The following ARHGAP26 variants were observed in gnomAD, a reference collection of about 807,000 sequenced individuals.
The protein encoded by ARHGAP26 is Rho GTPase activating protein 26.
ARHGAP26 carries 38 observed loss-of-function variants against 104.8 expected under a neutral mutation model. That is an observed-to-expected ratio of 0.36 (90% CI 0.28 to 0.48). ARHGAP26 has a LOEUF of 0.48. ARHGAP26 is among the 20% of genes least tolerant of loss of function. The pLI is 0.99. For missense variants in ARHGAP26, 704 were observed against 947.9 expected (o/e 0.74, Z 3.38); for synonymous variants, 341 against 340.0 (o/e 1.00, Z -0.03).
chr5:143,094,681 G>A (rs12520307), intron 17 of ARHGAP26, among the ~76,000 whole-genome samples: 116,399 of 152,172 alleles, frequency 0.76, 47,973 homozygotes, highest in Non-Finnish European at 0.92. Context: ...TCCCTGACAC[G>A]TGTGGCCCCT....
intron 1 of ARHGAP26, among the ~76,000 whole-genome samples, chr5:142,842,911 T>G (rs1293215619): frequency 2.0e-5 from 3 of 152,196 alleles, no homozygotes; most frequent in African/African-American, 7.2e-5. Flanking sequence ...TGGGACAAAC[T>G]CATGAAAATT....
At chr5:142,884,775 T>C (rs963501761) in intron 4 of ARHGAP26, among the ~76,000 whole-genome samples, 4 of 152,268 alleles carry the variant, frequency 2.6e-5, no homozygotes, top group Non-Finnish European at 4.4e-5. Flanking sequence ...ATTCCTCAGC[T>C]TAAAGACCTG....
chr5:143,209,815 T>A (rs1394400417), intron 21 of ARHGAP26, among the ~76,000 whole-genome samples: 1 of 149,942 alleles, frequency 6.7e-6, no homozygotes, highest in Non-Finnish European at 1.5e-5. Flanking sequence ...AGAGTTGGAC[T>A]AAATGTGTGT....
intron 17 of ARHGAP26, among the ~76,000 whole-genome samples, chr5:143,065,895 A>G (rs1252714998): frequency 6.6e-6 from 1 of 152,234 alleles, no homozygotes; most frequent in Non-Finnish European, 1.5e-5. Flanking sequence ...CAATTGTTCA[A>G]CAGCCTCTTT....
rs1317492822 is a variant in ARHGAP26 at position 142,935,136 on chromosome 5, A to G, written c.1107+3011A>G. On this transcript the variant is annotated intron_variant, in intron 11 of 22. Transcript: ENST00000645722. ...CAATTCAAACTTGAAGAAAAGCTGG[A>G]TTTATTGGGTTACATAACTGAAAAA... is the stretch of plus-strand genomic sequence containing the variant. Among the ~76,000 whole-genome samples the G allele has an allele frequency of 2.0e-5, 3 of 152,142 alleles. No homozygotes were observed. In the East Asian group the frequency reaches 5.8e-4, roughly 29 times the overall value.
intron 1 of ARHGAP26, among the ~76,000 whole-genome samples, chr5:142,788,289 C>T (rs1478266573): frequency 6.6e-6 from 1 of 152,148 alleles, no homozygotes; most frequent in African/African-American, 2.4e-5. Flanking sequence ...GCACGAGACA[C>T]CGCGCCCGGC....
rs1811486705 is a variant in ARHGAP26, at chr5:143,224,292, T to C, written c.*1846T>C. The C allele has an allele frequency of 4.3e-6, 1 of 231,900 alleles. No homozygotes were observed. The highest frequency in any genetic ancestry group is 8.5e-6 in the Non-Finnish European group (1 of 116,984). The allele number at this position is 231,900 out of a possible 1,614,324, so 14.4% of individuals were successfully genotyped here. ...GAGAGTCAAGGTCACTGTCCCCGCT[T>C]CGGCCTGAAGGAAAGAGAAGACATT... is the stretch of plus-strand genomic sequence containing the variant. On this transcript the variant is annotated 3_prime_UTR_variant, in exon 23 of 23. Coordinates refer to ENST00000645722, the MANE Select transcript of ARHGAP26 (RefSeq NM_001135608.3).
At chr5:142,976,172 C>G (rs1039253860) in intron 11 of ARHGAP26, among the ~76,000 whole-genome samples, 1 of 152,208 alleles carries the variant, frequency 6.6e-6, no homozygotes, top group Non-Finnish European at 1.5e-5. Context: ...ATTGGAAGCT[C>G]TTTCCCATGA....
intron 17 of ARHGAP26, among the ~76,000 whole-genome samples, chr5:143,083,867 A>G (rs767919788): frequency 3.9e-5 from 6 of 152,202 alleles, no homozygotes; most frequent in Admixed American, 6.5e-5. Context: ...TTATCCCTCT[A>G]ATAAGAAAAC....
rs146685523 is a variant in ARHGAP26, at chr5:142,801,158, C to G, written c.154+30243C>G. On this transcript the variant is annotated intron_variant, in intron 1 of 22. Transcript: ENST00000645722. The stretch of plus-strand genomic sequence containing the variant: ...TTTTTCTTTCTTTTTAACATTTTTT[C>G]TGGGCATAGCTTTGACTCTTTCCTC... Among the ~76,000 whole-genome samples the G allele has an allele frequency of 1.2e-4, 19 of 152,254 alleles. No homozygotes were observed. The East Asian group carries it at 3.5e-3, about 28-fold the overall frequency.
intron 18 of ARHGAP26, among the ~76,000 whole-genome samples, chr5:143,125,130 G>A (rs1796574909): frequency 6.6e-6 from 1 of 152,138 alleles, no homozygotes; most frequent in Admixed American, 6.5e-5. Flanking sequence ...AAGAGAAGTG[G>A]GTAATTCAGT....
At chr5:143,193,685 CTGACT>C (rs1806321883) in intron 20 of ARHGAP26, among the ~76,000 whole-genome samples, 1 of 152,116 alleles carries the variant, frequency 6.6e-6, no homozygotes, top group Non-Finnish European at 1.5e-5. Context: ...GTGAAAGTTA[CTGACT>C]TAAGGAAGGG....
intron 20 of ARHGAP26, among the ~76,000 whole-genome samples, chr5:143,172,128 A>G (rs892452028): frequency 6.6e-6 from 1 of 152,184 alleles, no homozygotes; most frequent in Non-Finnish European, 1.5e-5. Context: ...GCCTTTACTA[A>G]GTGCAGGCAT....
intron 22 of ARHGAP26, 151 bp from the exon 23 acceptor site, chr5:143,222,207 C>T (rs1265328287): frequency 2.3e-6 from 1 of 444,304 alleles, no homozygotes; most frequent in Non-Finnish European, 3.9e-6. Flanking sequence ...AATGATGTAA[C>T]TTAATAAGTG....
intron 5 of ARHGAP26, among the ~76,000 whole-genome samples, chr5:142,885,899 T>A (rs1037900773): frequency 6.6e-6 from 1 of 152,230 alleles, no homozygotes; most frequent in Non-Finnish European, 1.5e-5. Context: ...TGCTTTATTG[T>A]CCTGTATATA....
chr5:143,157,421 A>G (rs542175003), intron 20 of ARHGAP26, among the ~76,000 whole-genome samples: 2 of 151,984 alleles, frequency 1.3e-5, no homozygotes, highest in Admixed American at 6.6e-5. Flanking sequence ...CAAGTGATCC[A>G]CCTGCCTCAG....
intron 11 of ARHGAP26, among the ~76,000 whole-genome samples, chr5:142,981,324 GGATTCAAT>G (rs1166961954): frequency 6.6e-6 from 1 of 152,176 alleles, no homozygotes; most frequent in African/African-American, 2.4e-5. Flanking sequence ...TGTGCTGGGA[GGATTCAAT>G]GAGACATGCA....
At chr5:142,869,383 ATTT>A (rs34964714) in intron 1 of ARHGAP26, among the ~76,000 whole-genome samples, 20 of 147,688 alleles carry the variant, frequency 1.4e-4, no homozygotes, top group Admixed American at 6.7e-5. Context: ...ATTTTATTTT[ATTT>A]TTTTTTGTAT....
chr5:142,978,856 C>G (rs1485263011), intron 11 of ARHGAP26, among the ~76,000 whole-genome samples: 3 of 150,454 alleles, frequency 2.0e-5, no homozygotes, highest in African/African-American at 7.4e-5. Flanking sequence ...TCTCACCAGT[C>G]AGCTTCATCA....
Sources: gnomAD v4.1 joint callset for allele counts (sites outside exome capture counted in the v4.1 genomes callset) on GRCh38, gnomAD v4.1.1 for gene constraint, MANE v1.5 for transcripts, NCBI Gene and HGNC (gene_info 2026-07-23, HGNC 2026-07-21) for gene names.